The following SLC1A5 variants were observed in gnomAD, a reference collection of about 807,000 sequenced individuals.
The protein encoded by SLC1A5 is solute carrier family 1 member 5.
In SLC1A5, 25 loss-of-function variants were observed where a neutral mutation model predicts 34.9. That is an observed-to-expected ratio of 0.72 (90% CI 0.52 to 1.00). SLC1A5 has a LOEUF of 1.00. Ranked by LOEUF, SLC1A5 falls within the 50% of genes least tolerant of loss-of-function variation. SLC1A5 has a pLI of 0.00. For synonymous variants in SLC1A5, 351 were observed against 341.2 expected, an observed-to-expected ratio of 1.03 and a Z score of -0.32; for missense variants, 637 against 740.0, an observed-to-expected ratio of 0.86 and a Z score of 1.61.
In SLC1A5 at chr19:46,788,330, G is replaced by T; in HGVS notation, c.-365C>A. 4.5e-6 allele frequency: 1 copy of T among 221,224 alleles called. No homozygotes were observed. 13.7% of individuals were successfully genotyped at this position (221,224 alleles called of 1,614,324 possible). ...GGTTGAGTGCCCCCAGATGGCGGAGGTCTGCAGGAGGCTAGGTTCTGGTGG... is the reference window on the plus strand; with the variant it reads ...GGTTGAGTGCCCCCAGATGGCGGAGTTCTGCAGGAGGCTAGGTTCTGGTGG... On this transcript the variant is annotated 5_prime_UTR_variant, in exon 1 of 8. Transcript: ENST00000542575.
In SLC1A5 at chr19:46,787,259, C is replaced by T. The variant is rs1460964758; in HGVS notation, c.566+141G>A. 1.4e-6 allele frequency: 2 copies of T among 1,449,312 alleles called. No individual in the cohort carries two copies. Among genetic ancestry groups the T allele is most frequent in the Non-Finnish European group, 1.8e-6 (2 of 1,101,310 alleles). The allele number at this position is 1,449,312 out of a possible 1,614,324, so 89.8% of individuals were successfully genotyped here. A position where few individuals can be genotyped will look rare whatever the true frequency, so the allele number is the denominator to read the frequency against. On this transcript the variant is annotated intron_variant, in intron 1 of 7. Transcript: ENST00000542575. The surrounding 1 kb of genome is among the most constrained non-coding windows in gnomAD (Gnocchi z 5.2). Reference sequence around the variant, plus strand: ...CTCACACTCCCGAGGGCTGGAGCCTCCCCTCAATATCCTGTCGAGTTTTCC... The same window carrying T: ...CTCACACTCCCGAGGGCTGGAGCCTTCCCTCAATATCCTGTCGAGTTTTCC...
chr19:46,787,377 C>T lies in SLC1A5; in HGVS notation c.566+23G>A. On this transcript the variant is annotated intron_variant, in intron 1 of 7. Coordinates refer to ENST00000542575, the MANE Select transcript of SLC1A5 (RefSeq NM_005628.3). This position sits in a 1 kb window ranked among gnomAD's most constrained non-coding sequence, Gnocchi z 5.2. ...CGCCATCCGTAACACTCTTCCCCAC[C>T]TCCCGGGGGAGCGGGAGCTGACCTC... 1 of 1,574,098 alleles carries T rather than the reference C, an allele frequency of 6.4e-7. No individual in the cohort carries two copies. Among genetic ancestry groups the T allele is most frequent in the Non-Finnish European group, 8.6e-7 (1 of 1,160,704 alleles).
At chr19:46,782,342 T>TTC in intron 4 of SLC1A5, 41 bp downstream of exon 4, 1 of 523,372 alleles carries the variant, frequency 1.9e-6, no homozygotes. Flanking sequence ...AGACCGACCC[T>TTC]CCAACCCCAC....
At position 46,776,965 on chromosome 19, in the gene SLC1A5, C is replaced by G; in HGVS notation, c.1388+10G>C. 6.2e-7 allele frequency: 1 copy of G among 1,612,668 alleles called. No homozygotes were observed. Among genetic ancestry groups the G allele is most frequent in the South Asian group, 1.1e-5 (1 of 90,882 alleles). On this transcript the variant is annotated intron_variant, in intron 7 of 7. Transcript: ENST00000542575. ...CCTGGCCCTGCCCCAGTCTCCAGAC[C>G]CACACTCACACTAGCCAGTCCACAG...
rs989229957 is a variant in SLC1A5 at position 46,775,289 on chromosome 19, A to G, written c.*221T>C. Reference sequence around the variant, plus strand: ...GCTGTTTTCTAGCCTTGAGTTGGGGACATGAGTGAGAACTGGGGGTTTTGA... The same window carrying G: ...GCTGTTTTCTAGCCTTGAGTTGGGGGCATGAGTGAGAACTGGGGGTTTTGA... On this transcript the variant is annotated 3_prime_UTR_variant, in exon 8 of 8. Coordinates refer to ENST00000542575, the MANE Select transcript of SLC1A5 (RefSeq NM_005628.3). The G allele has an allele frequency of 3.2e-5, 42 of 1,310,558 alleles. No individual in the cohort carries two copies. The Admixed American group carries it at 4.5e-4, about 14-fold the overall frequency. 81.2% of individuals were successfully genotyped at this position (1,310,558 alleles called of 1,614,324 possible). A position where few individuals can be genotyped will look rare whatever the true frequency, so the allele number is the denominator to read the frequency against.
In SLC1A5 at chr19:46,775,619, G is replaced by T; in HGVS notation, c.1517C>A (p.Pro506His). 6.2e-7 allele frequency: 1 copy of T among 1,614,146 alleles called. No individual in the cohort carries two copies. ...AGTGGGGACTGGCAGCGGATCCAGGGGCAGCTCACTCTTCACTTGTATCAA... is the reference window on the plus strand; with the variant it reads ...AGTGGGGACTGGCAGCGGATCCAGGTGCAGCTCACTCTTCACTTGTATCAA... ...PELIQVKSEL[P>H]LDPLPVPTEE... The change falls in exon 8 of 8, where the codon CCC becomes CAC. Residue 506 changes from proline to histidine, a missense_variant. Transcript: ENST00000542575.
At chr19:46,777,538 A>C in intron 5 of SLC1A5, 133 bp from the exon 6 acceptor site, 3 of 711,326 alleles carry the variant, frequency 4.2e-6, no homozygotes, top group South Asian at 1.9e-5. Flanking sequence ...CACCCAGTGG[A>C]TCCCCACCAG....
intron 3 of SLC1A5, among the ~76,000 whole-genome samples, chr19:46,783,466 CAAAAAAAAA>C (rs113636275): frequency 1.2e-4 from 12 of 99,806 alleles, no homozygotes; most frequent in African/African-American, 4.7e-4. Context: ...AATTCTGTCT[CAAAAAAAAA>C]AAAAAAAAAG....
intron 4 of SLC1A5, 108 bp from the exon 5 acceptor site, chr19:46,779,016 A>G: frequency 1.3e-6 from 1 of 746,658 alleles, no homozygotes; most frequent in Admixed American, 3.1e-5. Context: ...AGGTCAGGAG[A>G]AGCCCCAGCA....
intron 3 of SLC1A5, among the ~76,000 whole-genome samples, 169 bp from the exon 4 acceptor site, chr19:46,782,718 G>T (rs1392903000): frequency 6.6e-6 from 1 of 152,158 alleles, no homozygotes; most frequent in African/African-American, 2.4e-5. Flanking sequence ...AGTCGTCAGG[G>T]ATGGCCCAGA....
chr19:46,784,980 G>T, intron 1 of SLC1A5: 3 of 806,822 alleles, frequency 3.7e-6, no homozygotes, highest in Non-Finnish European at 4.8e-6. Context: ...GTGTTGGGAG[G>T]CGGTGGCGGG....
intron 4 of SLC1A5, among the ~76,000 whole-genome samples, chr19:46,782,161 G>A (rs888890928): frequency 7.2e-5 from 11 of 152,066 alleles, no homozygotes; most frequent in African/African-American, 2.2e-4. Flanking sequence ...CCAAAGTGCC[G>A]TTCCCATTTT....
chr19:46,782,346 A>ACCCCCCCCCCCCCCCCCCCCCCAAC, intron 4 of SLC1A5, 37 bp downstream of exon 4: 2 of 567,982 alleles, frequency 3.5e-6, no homozygotes, highest in Non-Finnish European at 3.2e-6. Context: ...CGACCCTCCA[A>ACCCCCCCCCCCCCCCCCCCCCCAAC]CCCCACCCAC....
In SLC1A5 at chr19:46,787,657, G is replaced by T. The variant is rs746591311; in HGVS notation, c.309C>A (p.Ile103=). The change falls in exon 1 of 8, where the codon ATC becomes ATA. Residue 103 remains isoleucine (I), a synonymous_variant. Transcript: ENST00000542575. This position sits in a 1 kb window ranked among gnomAD's most constrained non-coding sequence, Gnocchi z 5.2. ...GELLLRLLRM[I]ILPLVVCSLI... ...AGCTGCACACCACCAGCGGCAAGATGATCATCCGCAGCAGACGCAGCAGCA... is the reference window on the plus strand; with the variant it reads ...AGCTGCACACCACCAGCGGCAAGATTATCATCCGCAGCAGACGCAGCAGCA... 163 of 1,590,418 alleles carry T rather than the reference G, an allele frequency of 1.0e-4. No individual in the cohort carries two copies. The highest frequency in any genetic ancestry group is 1.7e-4 in the Middle Eastern group (1 of 6,034).
rs778919006 is a variant in SLC1A5, at chr19:46,775,664, G to A, written c.1472C>T (p.Ser491Leu). Residue 491 changes from serine (S) to leucine (L), a missense_variant, in exon 8 of 8, where the codon TCG (serine) becomes TTG (leucine). Ser to Leu is a moderately radical substitution (Grantham distance 145). Coordinates refer to ENST00000542575, the MANE Select transcript of SLC1A5 (RefSeq NM_005628.3). The stretch of plus-strand genomic sequence containing the variant: ...TATCAACTCAGGCTCTGTGCTTCTC[G>A]ACTCCGTACGGTCCACGTAATTTTG... ...LLQNYVDRTE[S>L]RSTEPELIQV... The A allele has an allele frequency of 5.6e-6, 9 of 1,613,908 alleles. No homozygotes were observed. Among genetic ancestry groups the A allele is most frequent in the African/African-American group, 1.3e-5 (1 of 74,884 alleles).
At chr19:46,779,588 G>A (rs1344872103) in intron 4 of SLC1A5, among the ~76,000 whole-genome samples, 1 of 151,984 alleles carries the variant, frequency 6.6e-6, no homozygotes, top group East Asian at 1.9e-4. Flanking sequence ...GAGCCAATAC[G>A]CTCTCTGCAG....
intron 1 of SLC1A5, among the ~76,000 whole-genome samples, chr19:46,786,537 G>A (rs1023496443): frequency 3.9e-5 from 6 of 152,186 alleles, no homozygotes; most frequent in African/African-American, 9.6e-5. Flanking sequence ...CTGCACTGAC[G>A]CCCCAGAGGC....
intron 4 of SLC1A5, among the ~76,000 whole-genome samples, chr19:46,781,490 C>T (rs2055145998): frequency 6.6e-6 from 1 of 152,098 alleles, no homozygotes; most frequent in African/African-American, 2.4e-5. Context: ...CCCAGCTACT[C>T]GGGAGACTGA....
At position 46,788,178 on chromosome 19, in the gene SLC1A5, T is replaced by A; in HGVS notation, c.-213A>T. On this transcript the variant is annotated 5_prime_UTR_variant, in exon 1 of 8. The change creates a new upstream start codon in the 5' untranslated region. Transcript: ENST00000542575. Reference sequence around the variant, plus strand: ...AATTCCCCAGGCTGGGCGCTGAGGCTTCTCTGCTCTGCCCCGTGTGCCAGA... The same window carrying A: ...AATTCCCCAGGCTGGGCGCTGAGGCATCTCTGCTCTGCCCCGTGTGCCAGA... 3.6e-6 allele frequency: 2 copies of A among 551,218 alleles called. No individual in the cohort carries two copies. Among genetic ancestry groups the A allele is most frequent in the South Asian group, 4.9e-5 (2 of 40,526 alleles). 34.1% of individuals were successfully genotyped at this position (551,218 alleles called of 1,614,324 possible). A position where few individuals can be genotyped will look rare whatever the true frequency, so the allele number is the denominator to read the frequency against.
Sources: gnomAD v4.1 joint callset for allele counts (sites outside exome capture counted in the v4.1 genomes callset) on GRCh38, gnomAD v4.1.1 for gene constraint, Gnocchi (gnomAD v3.1) non-coding constraint, MANE v1.5 for transcripts, NCBI Gene and HGNC (gene_info 2026-07-23, HGNC 2026-07-21) for gene names.